Variants in CTNNA3 observed in about 807,000 individuals in gnomAD.
CTNNA3 encodes catenin alpha 3.
CTNNA3 carries 76 observed loss-of-function variants against 95.7 expected under a neutral mutation model. The ratio of observed to expected loss-of-function variants is 0.79; its 90% confidence interval spans 0.66 to 0.96. The LOEUF is 0.96. CTNNA3 is among the 40% of genes least tolerant of loss of function. The pLI is 0.00. For synonymous variants in CTNNA3, 431 were observed against 374.4 expected, an observed-to-expected ratio of 1.15 and a Z score of -1.74; for missense variants, 1,191 against 1,089.8, an observed-to-expected ratio of 1.09 and a Z score of -1.31.
chr10:66,227,573 T>C (rs2089373517), intron 13 of CTNNA3, among the ~76,000 whole-genome samples: 2 of 152,156 alleles, frequency 1.3e-5, no homozygotes, highest in South Asian at 4.1e-4. Context: ...ATTTCATTTG[T>C]TAGTTTTTTG....
chr10:66,539,084 T>C (rs1297340871), intron 10 of CTNNA3, among the ~76,000 whole-genome samples: 2 of 152,094 alleles, frequency 1.3e-5, no homozygotes, highest in Non-Finnish European at 2.9e-5. Flanking sequence ...AAAACCTTGT[T>C]GTTCAAAGTG....
At chr10:66,492,450 A>AT (rs60327021) in intron 11 of CTNNA3, among the ~76,000 whole-genome samples, 1,619 of 144,134 alleles carry the variant, frequency 0.011, 10 homozygotes, top group Middle Eastern at 0.059. Context: ...GGCCCAGCTA[A>AT]TTTTTTTTTT....
At chr10:66,159,526 A>T (rs1266073356) in intron 13 of CTNNA3, among the ~76,000 whole-genome samples, 2 of 151,180 alleles carry the variant, frequency 1.3e-5, no homozygotes, top group African/African-American at 4.9e-5. Flanking sequence ...ATGGTAGATT[A>T]TCTTTTTGAT....
intron 10 of CTNNA3, among the ~76,000 whole-genome samples, chr10:66,603,274 T>C (rs1436810121): frequency 6.6e-6 from 1 of 152,064 alleles, no homozygotes; most frequent in East Asian, 1.9e-4. Context: ...CAAAAATTAA[T>C]AGTGTGTCTG....
intron 9 of CTNNA3, among the ~76,000 whole-genome samples, chr10:66,727,490 G>A (rs1386232889): frequency 3.3e-5 from 5 of 151,976 alleles, no homozygotes; most frequent in Non-Finnish European, 5.9e-5. Context: ...AGATGTATAG[G>A]TTAGTTATAC....
intron 7 of CTNNA3, among the ~76,000 whole-genome samples, chr10:66,937,727 A>G (rs1277236432): frequency 6.6e-6 from 1 of 152,152 alleles, no homozygotes; most frequent in Non-Finnish European, 1.5e-5. Context: ...TTCTCAAAGT[A>G]GCCCATGCTT....
At chr10:65,951,340 T>C (rs1454704860) in intron 17 of CTNNA3, among the ~76,000 whole-genome samples, 3 of 152,122 alleles carry the variant, frequency 2.0e-5, no homozygotes, top group African/African-American at 7.2e-5. Flanking sequence ...ATCCCAAACT[T>C]GATAGATGAA....
rs1273164119 is a variant in CTNNA3, at chr10:67,603,724, A to G, written c.292+3133T>C. Among the ~76,000 whole-genome samples the G allele has an allele frequency of 2.6e-5, 4 of 152,330 alleles. No homozygotes were observed. The East Asian group carries it at 7.7e-4, about 29-fold the overall frequency. On this transcript the variant is annotated intron_variant, in intron 3 of 17. Coordinates refer to ENST00000433211, the MANE Select transcript of CTNNA3 (RefSeq NM_013266.4). ...ATCTAAGTATTACTACAAAAGAGTCAAAAAGTTAAAAATTTTTTAAGTTTA... is the reference window on the plus strand; with the variant it reads ...ATCTAAGTATTACTACAAAAGAGTCGAAAAGTTAAAAATTTTTTAAGTTTA...
intron 1 of CTNNA3, among the ~76,000 whole-genome samples, chr10:67,662,793 G>A (rs189602111): frequency 5.9e-5 from 9 of 152,186 alleles, no homozygotes; most frequent in Admixed American, 5.9e-4. Flanking sequence ...TTCTATAACT[G>A]TATATGGTTG....
intron 17 of CTNNA3, among the ~76,000 whole-genome samples, chr10:65,964,156 T>C (rs748835983): frequency 4.6e-5 from 7 of 152,194 alleles, no homozygotes; most frequent in Non-Finnish European, 8.8e-5. Context: ...AGAAAAATGA[T>C]AGATTAGATC....
chr10:66,766,252 T>C lies in CTNNA3; in HGVS notation c.1281+12A>G, dbSNP rs1404066373. Reference sequence around the variant, plus strand: ...CCTGGACTTTAGTGAGTTACAGTTCTAGCATGCTTACCTCTACAAGCCTGC... The same window carrying C: ...CCTGGACTTTAGTGAGTTACAGTTCCAGCATGCTTACCTCTACAAGCCTGC... On this transcript the variant is annotated intron_variant, in intron 9 of 17. Coordinates refer to ENST00000433211, the MANE Select transcript of CTNNA3 (RefSeq NM_013266.4). 2 of 1,612,396 alleles carry C rather than the reference T, an allele frequency of 1.2e-6. No homozygotes were observed. Among genetic ancestry groups the C allele is most frequent in the South Asian group, 1.1e-5 (1 of 90,994 alleles).
At position 66,535,414 on chromosome 10, in the gene CTNNA3, A is replaced by T. The variant is rs141418297; in HGVS notation, c.1375-14641T>A. The stretch of plus-strand genomic sequence containing the variant: ...CAATGGGCTATGTATAGAACCAGGA[A>T]TAAGGTACTACTGTTTCCTGGGAGT... On this transcript the variant is annotated intron_variant, in intron 10 of 17. Transcript: ENST00000433211. Among the ~76,000 whole-genome samples the T allele has an allele frequency of 4.8e-4, 73 of 152,310 alleles. 2 individuals are homozygous for T. Among genetic ancestry groups the T allele is most frequent in the African/African-American group, 1.7e-3 (72 of 41,578 alleles).
At chr10:66,695,335 G>C (rs1589136620) in intron 9 of CTNNA3, among the ~76,000 whole-genome samples, 1 of 152,130 alleles carries the variant, frequency 6.6e-6, no homozygotes, top group African/African-American at 2.4e-5. Flanking sequence ...CTGCTCAATA[G>C]GAAGTATTTG....
intron 1 of CTNNA3, among the ~76,000 whole-genome samples, chr10:67,742,267 C>A (rs1416046075): frequency 6.6e-6 from 1 of 151,256 alleles, no homozygotes; most frequent in Non-Finnish European, 1.5e-5. Context: ...CACTCCTCAG[C>A]AAATGTAAAA....
At chr10:66,184,493 T>A (rs973656659) in intron 13 of CTNNA3, among the ~76,000 whole-genome samples, 1 of 152,168 alleles carries the variant, frequency 6.6e-6, no homozygotes. Context: ...AAGAAAGAGA[T>A]AAATCCCTTT....
chr10:67,533,118 G>C (rs939439205), intron 4 of CTNNA3, among the ~76,000 whole-genome samples: 1 of 152,128 alleles, frequency 6.6e-6, no homozygotes, highest in Non-Finnish European at 1.5e-5. Context: ...AAGGTCAGGA[G>C]TTTGAGACCA....
chr10:66,871,439 G>A (rs1470268335), intron 7 of CTNNA3, among the ~76,000 whole-genome samples: 4 of 151,820 alleles, frequency 2.6e-5, no homozygotes, highest in Non-Finnish European at 5.9e-5. Flanking sequence ...GTGGGTGCCT[G>A]TAATCCCAGC....
chr10:66,405,186 A>G (rs1020270824), intron 11 of CTNNA3, among the ~76,000 whole-genome samples: 3 of 152,134 alleles, frequency 2.0e-5, no homozygotes, highest in Admixed American at 2.0e-4. Flanking sequence ...AAATGTTTAG[A>G]GTCAAATAAC....
chr10:66,398,087 C>G (rs1190908079), intron 11 of CTNNA3, among the ~76,000 whole-genome samples: 3 of 151,760 alleles, frequency 2.0e-5, no homozygotes, highest in African/African-American at 7.3e-5. Flanking sequence ...GTTACATAAC[C>G]AATTTACAAA....
Sources: gnomAD v4.1 joint callset for allele counts (sites outside exome capture counted in the v4.1 genomes callset) on GRCh38, gnomAD v4.1.1 for gene constraint, MANE v1.5 for transcripts, NCBI Gene and HGNC (gene_info 2026-07-23, HGNC 2026-07-21) for gene names.